Variants in BCAR3 observed in about 807,000 individuals in gnomAD.
BCAR3 encodes BCAR3 adaptor protein, NSP family member.
In BCAR3, 37 loss-of-function variants were observed where a neutral mutation model predicts 80.1. The observed-to-expected ratio is 0.46, with a 90% CI of 0.36 to 0.61. The LOEUF is 0.61. Ranked by LOEUF, BCAR3 falls within the 20% of genes least tolerant of loss-of-function variation. BCAR3 has a pLI of 0.00. For missense variants in BCAR3, 978 were observed against 1,068.2 expected (o/e 0.92, Z 1.18); for synonymous variants, 389 against 418.9 (o/e 0.93, Z 0.87).
chr1:93,834,114 C>T (rs1654679312), intron 2 of BCAR3, among the ~76,000 whole-genome samples: 1 of 152,158 alleles, frequency 6.6e-6, no homozygotes, highest in Non-Finnish European at 1.5e-5. Flanking sequence ...TCACCCTTAC[C>T]CTGCTCAATG....
At chr1:93,654,178 T>C (rs925628206) in intron 2 of BCAR3, among the ~76,000 whole-genome samples, 1 of 151,992 alleles carries the variant, frequency 6.6e-6, no homozygotes, top group African/African-American at 2.4e-5. Flanking sequence ...CAAAAATTAG[T>C]CTGGTGTTTA....
At chr1:93,685,982 T>C (rs1410621479), upstream of BCAR3, among the ~76,000 whole-genome samples, 2 of 152,204 alleles carry the variant, frequency 1.3e-5, no homozygotes, top group Non-Finnish European at 2.9e-5. Flanking sequence ...ACCAATTATC[T>C]AGGACCTCTT....
chr1:93,781,905 G>A (rs1652774321), intron 2 of BCAR3, among the ~76,000 whole-genome samples: 1 of 152,174 alleles, frequency 6.6e-6, no homozygotes, highest in Non-Finnish European at 1.5e-5. Flanking sequence ...AGGTCCTTGG[G>A]TTTGGGTCAT....
chr1:93,603,899 C>A (rs1479836632), intron 3 of BCAR3, among the ~76,000 whole-genome samples: 2 of 152,142 alleles, frequency 1.3e-5, no homozygotes, highest in Non-Finnish European at 2.9e-5. Flanking sequence ...GGTTTCTGGT[C>A]CCTTCTGACA....
intron 3 of BCAR3, among the ~76,000 whole-genome samples, chr1:93,637,436 T>C (rs945060076): frequency 2.0e-5 from 3 of 152,122 alleles, no homozygotes; most frequent in Non-Finnish European, 4.4e-5. Flanking sequence ...ATTACAGACA[T>C]GAGCCATCGC....
chr1:93,676,783 G>T (rs947528518), intron 1 of BCAR3, among the ~76,000 whole-genome samples: 1 of 152,202 alleles, frequency 6.6e-6, no homozygotes, highest in African/African-American at 2.4e-5. Flanking sequence ...AGAACCTCGT[G>T]GGGAGGCCTG....
intron 2 of BCAR3, among the ~76,000 whole-genome samples, chr1:93,759,929 T>C (rs763001373): frequency 8.5e-5 from 13 of 152,146 alleles, no homozygotes. Context: ...GGAAATATGG[T>C]CAATCAGAGA....
chr1:93,601,299 C>T (rs1401159678), intron 3 of BCAR3, among the ~76,000 whole-genome samples: 2 of 152,052 alleles, frequency 1.3e-5, no homozygotes, highest in Non-Finnish European at 2.9e-5. Flanking sequence ...ATCTGGCCCT[C>T]GATAATTTAG....
At chr1:93,738,142 TG>T (rs1310341340) in intron 2 of BCAR3, among the ~76,000 whole-genome samples, 5 of 152,156 alleles carry the variant, frequency 3.3e-5, no homozygotes, top group African/African-American at 1.2e-4. Context: ...CTCCTGGGCT[TG>T]GATTTAGAAG....
At chr1:93,805,900 A>T (rs945079844) in intron 2 of BCAR3, among the ~76,000 whole-genome samples, 4 of 152,186 alleles carry the variant, frequency 2.6e-5, no homozygotes, top group African/African-American at 9.7e-5. Context: ...CAAGAAGAGG[A>T]TGTTATGAAA....
At position 93,846,999 on chromosome 1, in the gene BCAR3, GCC is replaced by G. The variant is rs1247526852; in HGVS notation, c.-209+69_-209+70del. 9 of 182,398 alleles carry G rather than the reference GCC, an allele frequency of 4.9e-5. 3 individuals carry two copies. Among genetic ancestry groups the G allele is most frequent in the Admixed American group, 4.1e-4 (2 of 4,928 alleles). The allele number at this position is 182,398 out of a possible 1,614,324, so 11.3% of individuals were successfully genotyped here. A position where few individuals can be genotyped will look rare whatever the true frequency, so the allele number is the denominator to read the frequency against. On this transcript the variant is annotated intron_variant, in intron 1 of 13. Coordinates refer to the BCAR3 transcript ENST00000370244. ...GCGGCGGCGCTCGCGCGCAGGTCCA[GCC>G]GCGGCTGGGTCGGGCGCGGCGGCCG...
At chr1:93,613,957 C>G in intron 3 of BCAR3, 1 of 1,550,102 alleles carries the variant, frequency 6.5e-7, no homozygotes, top group Non-Finnish European at 8.7e-7. Context: ...CCGGGGACCA[C>G]ACACTTTCTT....
intron 2 of BCAR3, among the ~76,000 whole-genome samples, chr1:93,834,667 C>T (rs4468172): frequency 0.097 from 14,819 of 152,218 alleles, 913 homozygotes; most frequent in East Asian, 0.18. Flanking sequence ...TTTTAGAAGC[C>T]CTCAAAATCA....
intron 3 of BCAR3, among the ~76,000 whole-genome samples, chr1:93,695,624 C>T (rs921152456): frequency 2.0e-5 from 3 of 152,144 alleles, no homozygotes; most frequent in Admixed American, 6.6e-5. Flanking sequence ...ATTTTATGCC[C>T]CTATCTACCA....
At chr1:93,833,356 T>C (rs1654643729) in intron 2 of BCAR3, among the ~76,000 whole-genome samples, 2 of 152,140 alleles carry the variant, frequency 1.3e-5, no homozygotes, top group African/African-American at 4.8e-5. Context: ...CTAATGAAGT[T>C]CCATGTCCCG....
chr1:93,607,313 C>T (rs891106041), intron 3 of BCAR3, among the ~76,000 whole-genome samples: 8 of 151,990 alleles, frequency 5.3e-5, no homozygotes, highest in African/African-American at 9.7e-5. Context: ...AGCATGGAAA[C>T]GAGGAGGGTT....
intron 2 of BCAR3, among the ~76,000 whole-genome samples, chr1:93,667,261 C>T (rs1236344739): frequency 6.6e-6 from 1 of 152,182 alleles, no homozygotes; most frequent in East Asian, 1.9e-4. Flanking sequence ...TGCTGGTGAC[C>T]AGGTGGGAGC....
rs1320324743 is a variant in BCAR3, at chr1:93,562,140, G to T, written c.*101C>A. The T allele has an allele frequency of 5.5e-6, 7 of 1,272,460 alleles. No individual in the cohort carries two copies. The African/African-American group carries it at 7.5e-5, about 14-fold the overall frequency. 78.8% of individuals were successfully genotyped at this position (1,272,460 alleles called of 1,614,324 possible). ...TGTGGATACTAAAAGCTTGTATATT[G>T]TCAGATTTGCACATTATTACTTTAT... On this transcript the variant is annotated 3_prime_UTR_variant, in exon 12 of 12. Transcript: ENST00000260502.
chr1:93,688,373 C>T (rs1649045050), intron 3 of BCAR3, among the ~76,000 whole-genome samples: 1 of 152,176 alleles, frequency 6.6e-6, no homozygotes, highest in African/African-American at 2.4e-5. Flanking sequence ...TCACCGGACT[C>T]TGGAGCCTGT....
Sources: gnomAD v4.1 joint callset for allele counts (sites outside exome capture counted in the v4.1 genomes callset) on GRCh38, gnomAD v4.1.1 for gene constraint, MANE v1.5 for transcripts, NCBI Gene and HGNC (gene_info 2026-07-23, HGNC 2026-07-21) for gene names.